Variants in MAF observed in about 807,000 individuals in gnomAD.
MAF encodes the protein transcription factor Maf.
In MAF, 10 loss-of-function variants were observed where a neutral mutation model predicts 22.0. The ratio of observed to expected loss-of-function variants is 0.45; its 90% CI spans 0.28 to 0.77. MAF has a LOEUF of 0.77. MAF is among the 30% of genes least tolerant of loss of function. The pLI is 0.12. For missense variants in MAF, 544 were observed against 548.4 expected, an observed-to-expected ratio of 0.99 and a Z score of 0.08; for synonymous variants, 337 against 255.8, an observed-to-expected ratio of 1.32 and a Z score of -3.03.
At chr16:79,459,037 T>C in the MAF span, among the ~76,000 whole-genome samples, 1 of 152,198 alleles carries the variant, frequency 6.6e-6, no homozygotes, top group African/African-American at 2.4e-5. Context: ...AAACAGCAGT[T>C]ACCATTTACT....
chr16:79,234,623 G>T, the MAF span, among the ~76,000 whole-genome samples: 2 of 152,110 alleles, frequency 1.3e-5, no homozygotes, highest in Non-Finnish European at 2.9e-5. Flanking sequence ...CATGTTGTGT[G>T]TCTCAGCCTG....
At chr16:79,593,325 C>T (rs1379056007), downstream of MAF, among the ~76,000 whole-genome samples, 2 of 152,126 alleles carry the variant, frequency 1.3e-5, no homozygotes, top group East Asian at 1.9e-4. Context: ...TAGACCAGGA[C>T]ATGCTGGGAA....
At chr16:79,546,456 G>C in the MAF span, among the ~76,000 whole-genome samples, 1 of 152,128 alleles carries the variant, frequency 6.6e-6, no homozygotes, top group Non-Finnish European at 1.5e-5. Flanking sequence ...TGAAAATGTA[G>C]GAAGTGATAA....
the MAF span, among the ~76,000 whole-genome samples, chr16:79,285,386 T>C: frequency 1.3e-5 from 2 of 151,498 alleles, no homozygotes; most frequent in Admixed American, 6.6e-5. Context: ...GGCTTCCTTC[T>C]TGATAGCTCC....
the MAF span, among the ~76,000 whole-genome samples, chr16:79,485,618 TAAGA>T: frequency 6.6e-6 from 1 of 152,182 alleles, no homozygotes; most frequent in African/African-American, 2.4e-5. Context: ...CAAAAGTTTA[TAAGA>T]AAAAGGTTTT....
At chr16:79,489,498 T>C in the MAF span, among the ~76,000 whole-genome samples, 1 of 152,214 alleles carries the variant, frequency 6.6e-6, no homozygotes, top group Non-Finnish European at 1.5e-5. Context: ...GCAATCTTAC[T>C]GCATGAGGGA....
At chr16:79,374,678 C>A in the MAF span, among the ~76,000 whole-genome samples, 1 of 152,170 alleles carries the variant, frequency 6.6e-6, no homozygotes, top group East Asian at 1.9e-4. Flanking sequence ...TAATCAAGGA[C>A]AGAATTCTAG....
chr16:79,289,915 G>A, the MAF span, among the ~76,000 whole-genome samples: 1 of 148,296 alleles, frequency 6.7e-6, no homozygotes. Context: ...GCAGTGGCGT[G>A]GTGCAGTCTC....
chr16:79,235,127 G>C, the MAF span, among the ~76,000 whole-genome samples: 7 of 152,032 alleles, frequency 4.6e-5, no homozygotes, highest in African/African-American at 1.7e-4. Context: ...TTTTGGGGTG[G>C]TTTGTTATGC....
chr16:79,577,336 A>G, the MAF span, among the ~76,000 whole-genome samples: 40 of 152,164 alleles, frequency 2.6e-4, no homozygotes, highest in Non-Finnish European at 5.6e-4. Context: ...TTAACTAAGG[A>G]GGAATGAGGG....
chr16:79,411,260 A>C, the MAF span, among the ~76,000 whole-genome samples: 2 of 152,196 alleles, frequency 1.3e-5, no homozygotes, highest in African/African-American at 4.8e-5. Context: ...CAAGCATTCA[A>C]GACAGGTGCT....
the MAF span, among the ~76,000 whole-genome samples, chr16:79,577,077 C>T: frequency 3.3e-5 from 5 of 152,088 alleles, no homozygotes; most frequent in Non-Finnish European, 7.4e-5. Context: ...CATAAAAGGA[C>T]ACTCTCTTTT....
chr16:79,495,498 G>A, the MAF span, among the ~76,000 whole-genome samples: 1 of 152,086 alleles, frequency 6.6e-6, no homozygotes, highest in Non-Finnish European at 1.5e-5. Context: ...TATCACTCAG[G>A]AAATTCTGAG....
chr16:79,318,954 C>T, the MAF span, among the ~76,000 whole-genome samples: 1 of 151,986 alleles, frequency 6.6e-6, no homozygotes, highest in South Asian at 2.1e-4. Context: ...CCATGAAACT[C>T]ACACACACAC....
chr16:79,303,291 GT>G, the MAF span, among the ~76,000 whole-genome samples: 1 of 152,212 alleles, frequency 6.6e-6, no homozygotes, highest in Non-Finnish European at 1.5e-5. Context: ...TGATAGATAT[GT>G]TTTTAATAAG....
the MAF span, among the ~76,000 whole-genome samples, chr16:79,459,942 T>A: frequency 6.6e-6 from 1 of 152,230 alleles, no homozygotes; most frequent in African/African-American, 2.4e-5. Flanking sequence ...ATTACATTCT[T>A]AAAATCAAGG....
At chr16:79,225,164 A>T in the MAF span, among the ~76,000 whole-genome samples, 1 of 152,238 alleles carries the variant, frequency 6.6e-6, no homozygotes, top group African/African-American at 2.4e-5. Context: ...CAAAACAGAT[A>T]TATAGATTAA....
At chr16:79,248,148 T>C in the MAF span, among the ~76,000 whole-genome samples, 2 of 151,240 alleles carry the variant, frequency 1.3e-5, no homozygotes, top group Non-Finnish European at 2.9e-5. Flanking sequence ...GTGTACCACA[T>C]GTTAGATACA....
At chr16:79,482,672 G>GC in the MAF span, among the ~76,000 whole-genome samples, 16 of 152,082 alleles carry the variant, frequency 1.1e-4, no homozygotes, top group Non-Finnish European at 2.4e-4. Flanking sequence ...GCGTGGCCCT[G>GC]CCCCAGGATG....
Sources: allele counts gnomAD v4.1 joint callset (sites outside exome capture counted in the v4.1 genomes callset), GRCh38; gene constraint gnomAD v4.1.1; transcripts MANE v1.5; gene names NCBI Gene and HGNC (gene_info 2026-07-23, HGNC 2026-07-21).